AFG3L2: variants seen among roughly 807,000 people sequenced by gnomAD.
The protein encoded by AFG3L2 is mitochondrial inner membrane m-AAA protease component AFG3L2.
AFG3L2 carries 54 observed loss-of-function variants against 94.5 expected under a neutral mutation model. The observed-to-expected ratio is 0.57, with a 90% confidence interval of 0.46 to 0.72. The LOEUF (loss-of-function observed/expected upper bound fraction) is 0.72. Among genes scored for constraint, AFG3L2 ranks in the 30% least tolerant of loss-of-function variants. AFG3L2 has a pLI of 0.00. For synonymous variants in AFG3L2, 377 were observed against 365.5 expected (o/e 1.03, Z -0.36); for missense variants, 754 against 994.9 (o/e 0.76, Z 3.26).
Position 12,377,017 on chromosome 18 carries a change from G to A in AFG3L2, c.66C>T (p.Leu22=). 1 of 1,461,572 alleles carries A rather than the reference G, an allele frequency of 6.8e-7. No individual in the cohort carries two copies. Among genetic ancestry groups the A allele is most frequent in the African/African-American group, 1.5e-5 (1 of 68,050 alleles). The allele number at this position is 1,461,572 out of a possible 1,614,324, so 90.5% of individuals were successfully genotyped here. ...CCGGGCCCACGCCGCCAGGCACGAG[G>A]AGCTGCTGTAGGCCGCGGGGCCAGC... ...GGCWPRGLQQ[L]LVPGGVGPGE... The change falls in exon 1 of 17, where the codon CTC becomes CTT. Residue 22 remains leucine, a synonymous_variant. Coordinates refer to ENST00000269143, the MANE Select transcript of AFG3L2 (RefSeq NM_006796.3).
chr18:12,366,850 A>G (rs1177947394), intron 5 of AFG3L2, 115 bp downstream of exon 5: 3 of 1,431,960 alleles, frequency 2.1e-6, no homozygotes, highest in African/African-American at 1.4e-5. Context: ...CTGAGTGAAA[A>G]TAACAATTTT....
chr18:12,371,207 G>A (rs999312501), intron 2 of AFG3L2, among the ~76,000 whole-genome samples: 4 of 151,852 alleles, frequency 2.6e-5, no homozygotes, highest in Admixed American at 6.6e-5. Flanking sequence ...CCAGCTACTC[G>A]GGAGGCTGAG....
chr18:12,333,364 AT>A (rs1217951958), intron 16 of AFG3L2, among the ~76,000 whole-genome samples: 11 of 130,216 alleles, frequency 8.4e-5, no homozygotes, highest in East Asian at 4.2e-4. Flanking sequence ...ATATATATAT[AT>A]TTTTTCCCCC....
At chr18:12,335,610 C>T (rs1025847159) in intron 16 of AFG3L2, among the ~76,000 whole-genome samples, 1 of 152,242 alleles carries the variant, frequency 6.6e-6, no homozygotes, top group East Asian at 1.9e-4. Context: ...AGAGATCTGT[C>T]TCAGCCACTC....
intron 5 of AFG3L2, among the ~76,000 whole-genome samples, chr18:12,365,525 C>A (rs1886312530): frequency 6.6e-6 from 1 of 152,200 alleles, no homozygotes; most frequent in African/African-American, 2.4e-5. Context: ...ACGCACAGGA[C>A]AATGGTACAG....
intron 16 of AFG3L2, among the ~76,000 whole-genome samples, chr18:12,336,951 T>C (rs1287448346): frequency 6.6e-6 from 1 of 152,236 alleles, no homozygotes; most frequent in African/African-American, 2.4e-5. Flanking sequence ...CTGCTTCTTT[T>C]ACTTGCCCTT....
chr18:12,336,424 A>G (rs113300944), intron 16 of AFG3L2, among the ~76,000 whole-genome samples: 92 of 152,278 alleles, frequency 6.0e-4, no homozygotes, highest in African/African-American at 2.0e-3. Context: ...TCCATGCCCT[A>G]TGATTTCACC....
chr18:12,354,631 A>C (rs894166908), intron 9 of AFG3L2, among the ~76,000 whole-genome samples: 16 of 152,120 alleles, frequency 1.1e-4, no homozygotes, highest in Non-Finnish European at 2.2e-4. Context: ...CAGCACTGCC[A>C]AGGTTGCCTT....
chr18:12,371,331 A>C (rs1437121523), intron 2 of AFG3L2, among the ~76,000 whole-genome samples: 2 of 151,760 alleles, frequency 1.3e-5, no homozygotes, highest in Non-Finnish European at 2.9e-5. Flanking sequence ...AAAAAAAAAA[A>C]GCACAAGCTA....
In AFG3L2 at chr18:12,348,359, T is replaced by C. The variant is rs771842511; in HGVS notation, c.1577A>G (p.Asn526Ser). ...FSGADVANVC[N>S]EAALIAARHL... is the part of the protein sequence containing the mutation. Reference sequence around the variant, plus strand: ...CCTTGCAGCAATCAACGCAGCTTCATTACAGACATTAGCAACATCAGCACC... The same window carrying C: ...CCTTGCAGCAATCAACGCAGCTTCACTACAGACATTAGCAACATCAGCACC... The change falls in exon 13 of 17, where the codon AAT becomes AGT. Residue 526 changes from asparagine to serine, a missense_variant. Transcript: ENST00000269143. 6.2e-7 allele frequency: 1 copy of C among 1,614,164 alleles called. No homozygotes were observed. The highest frequency in any genetic ancestry group is 8.5e-7 in the Non-Finnish European group (1 of 1,180,026).
chr18:12,363,657 C>T, intron 6 of AFG3L2, 125 bp downstream of exon 6: 1 of 765,042 alleles, frequency 1.3e-6, no homozygotes, highest in Non-Finnish European at 2.3e-6. Context: ...ACCCCTGCCA[C>T]ACTGCCCAGT....
Position 12,353,079 on chromosome 18 carries a change from T to C in AFG3L2, c.1244A>G (p.Lys415Arg), listed in dbSNP as rs768858248. Residue 415 changes from lysine (K) to arginine (R), a missense_variant, in exon 10 of 17, where the codon AAG becomes AGG. Physicochemically the swap from Lys to Arg is conservative, Grantham distance 26. Coordinates refer to ENST00000269143, the MANE Select transcript of AFG3L2 (RefSeq NM_006796.3). ...CCCTCCAAAGTTGCCTCTTCCTCTC[T>C]TCCTTCCCACCGCATCGATTTCATC... Reference protein sequence around the residue: ...FIDEIDAVGRKRGRGNFGGQS... With the variant: ...FIDEIDAVGRRRGRGNFGGQS... 5.6e-6 allele frequency: 9 copies of C among 1,614,172 alleles called. No individual in the cohort carries two copies. The Admixed American group carries it at 1.2e-4, about 21-fold the overall frequency.
chr18:12,362,751 A>C (rs1214750564), intron 6 of AFG3L2, among the ~76,000 whole-genome samples: 1 of 152,070 alleles, frequency 6.6e-6, no homozygotes, highest in East Asian at 1.9e-4. Flanking sequence ...GCTATTTCTC[A>C]TTTTTTGCTA....
intron 12 of AFG3L2, 112 bp from the exon 13 acceptor site, chr18:12,348,495 T>C (rs1205280387): frequency 2.5e-6 from 2 of 810,904 alleles, no homozygotes; most frequent in African/African-American, 3.4e-5. Flanking sequence ...GTACAATGAA[T>C]AAAGGTTTTG....
chr18:12,372,069 G>T (rs1230752040), intron 1 of AFG3L2, among the ~76,000 whole-genome samples: 1 of 152,200 alleles, frequency 6.6e-6, no homozygotes, highest in African/African-American at 2.4e-5. Context: ...ACATTGGGAG[G>T]CCGAGGTGGG....
At chr18:12,332,018 A>C (rs1249391910) in intron 16 of AFG3L2, among the ~76,000 whole-genome samples, 1 of 152,038 alleles carries the variant, frequency 6.6e-6, no homozygotes, top group East Asian at 1.9e-4. Flanking sequence ...ACACACATGG[A>C]AGTGTGACGG....
At chr18:12,338,992 C>T (rs577071244) in intron 15 of AFG3L2, among the ~76,000 whole-genome samples, 87 of 152,166 alleles carry the variant, frequency 5.7e-4, no homozygotes, top group African/African-American at 1.9e-3. Context: ...CGGTGGCTCA[C>T]GCCTGTAATC....
intron 14 of AFG3L2, chr18:12,342,377 T>C (rs899578541): frequency 6.6e-6 from 1 of 152,240 alleles, no homozygotes; most frequent in African/African-American, 2.4e-5. Flanking sequence ...TTTAAATCTT[T>C]CGCCCATTGT....
chr18:12,372,323 A>T (rs1327279055), intron 1 of AFG3L2, among the ~76,000 whole-genome samples: 5 of 152,222 alleles, frequency 3.3e-5, no homozygotes, highest in Non-Finnish European at 7.3e-5. Context: ...AAAATAAAAT[A>T]ATAGTTATAA....
Sources: allele counts gnomAD v4.1 joint callset (sites outside exome capture counted in the v4.1 genomes callset), GRCh38; gene constraint gnomAD v4.1.1; transcripts MANE v1.5; gene names NCBI Gene and HGNC (gene_info 2026-07-23, HGNC 2026-07-21).